The following RNF25 variants were observed in gnomAD, a reference collection of about 807,000 sequenced individuals.
RNF25 encodes ring finger protein 25.
RNF25 carries 32 observed loss-of-function variants against 65.0 expected under a neutral mutation model. The observed-to-expected ratio is 0.49, with a 90% CI of 0.37 to 0.66. The LOEUF is 0.66. Among genes scored for constraint, RNF25 ranks in the 30% least tolerant of loss-of-function variants. The pLI, the probability that RNF25 is intolerant of heterozygous loss-of-function variation, is 0.00. For synonymous variants in RNF25, 207 were observed against 221.2 expected, an observed-to-expected ratio of 0.94 and a Z score of 0.57; for missense variants, 493 against 584.8, an observed-to-expected ratio of 0.84 and a Z score of 1.62.
Position 218,664,920 on chromosome 2 carries a change from G to A in RNF25, c.667-47C>T, listed in dbSNP as rs116974363. On this transcript the variant is annotated intron_variant, in intron 8 of 9. Coordinates refer to ENST00000295704, the MANE Select transcript of RNF25 (RefSeq NM_022453.3). This position sits in a 1 kb window ranked among gnomAD's most constrained non-coding sequence, Gnocchi z 5.1. Reference sequence around the variant, plus strand: ...AGGAAATAATGAACAGCAGAAGGCTGACTCAAACCTCTACTCCTCCCAGGC... The same window carrying A: ...AGGAAATAATGAACAGCAGAAGGCTAACTCAAACCTCTACTCCTCCCAGGC... 9.0e-4 allele frequency: 1,454 copies of A among 1,610,394 alleles called. 25 individuals are homozygous for A. In the East Asian group the frequency reaches 0.03, roughly 33 times the overall value.
At chr2:218,667,807 G>T in intron 5 of RNF25, 105 bp downstream of exon 5, 1 of 1,013,314 alleles carries the variant, frequency 9.9e-7, no homozygotes, top group Non-Finnish European at 1.5e-6. Context: ...CTTACCTAAT[G>T]ACTCCAGATC....
At chr2:218,668,804 C>T (rs1939892037) in intron 1 of RNF25, 125 bp from the exon 2 acceptor site, 9 of 696,104 alleles carry the variant, frequency 1.3e-5, no homozygotes, top group South Asian at 1.2e-4. Flanking sequence ...TGCTAAACTC[C>T]TTAAAAACAA....
Position 218,671,950 on chromosome 2 carries a change from T to A in RNF25, c.21A>T (p.Ala7=). MAASAS[A]AAGEEDWVLP... ...GTTACCAGTCCTCCTCCCCTGCAGC[T>A]GCAGACGCAGACGCCGCCATATCTT... The change falls in exon 1 of 10, where the codon GCA becomes GCT. Residue 7 remains alanine, a synonymous_variant. Coordinates refer to ENST00000295704, the MANE Select transcript of RNF25 (RefSeq NM_022453.3). The A allele has an allele frequency of 6.2e-7, 1 of 1,614,124 alleles. No homozygotes were observed. The highest frequency in any genetic ancestry group is 8.5e-7 in the Non-Finnish European group (1 of 1,180,008).
rs1456934762 is a variant in RNF25 at position 218,671,948 on chromosome 2, G to A, written c.23C>T (p.Ala8Val). The A allele has an allele frequency of 1.9e-6, 3 of 1,614,230 alleles. No individual in the cohort carries two copies. The highest frequency in any genetic ancestry group is 2.5e-6 in the Non-Finnish European group (3 of 1,180,034). Residue 8 changes from alanine (A) to valine (V), a missense_variant, in exon 1 of 10, where the codon GCT (alanine) becomes GTT (valine). Physicochemically the swap from Ala to Val is moderately conservative, Grantham distance 64. Coordinates refer to ENST00000295704, the MANE Select transcript of RNF25 (RefSeq NM_022453.3). ...AAGTTACCAGTCCTCCTCCCCTGCA[G>A]CTGCAGACGCAGACGCCGCCATATC... MAASASA[A>V]AGEEDWVLPS...
At chr2:218,668,431 G>A in intron 2 of RNF25, 90 bp from the exon 3 acceptor site, 2 of 1,053,656 alleles carry the variant, frequency 1.9e-6, no homozygotes, top group Non-Finnish European at 1.5e-6. Flanking sequence ...AGTGGGCAAA[G>A]GAAGTACACA....
In RNF25 at chr2:218,665,906, T is replaced by C. The variant is rs1939811540; in HGVS notation, c.573+10A>G. The C allele has an allele frequency of 6.2e-7, 1 of 1,610,670 alleles. No individual in the cohort carries two copies. Among genetic ancestry groups the C allele is most frequent in the Non-Finnish European group, 8.5e-7 (1 of 1,177,962 alleles). ...GTGTCAGATGAGTGTGCAGGTGCAG[T>C]GAGGTCTACCTGTTTGGTTGTAGCA... On this transcript the variant is annotated intron_variant, in intron 7 of 9. Coordinates refer to ENST00000295704, the MANE Select transcript of RNF25 (RefSeq NM_022453.3).
intron 7 of RNF25, among the ~76,000 whole-genome samples, chr2:218,665,674 C>A (rs1055211495): frequency 6.7e-6 from 1 of 150,266 alleles, no homozygotes; most frequent in African/African-American, 2.5e-5. Flanking sequence ...ACCCAGGAGG[C>A]GGAGGTTGCA....
In RNF25 at chr2:218,664,478, G is replaced by A. The variant is rs1427047300; in HGVS notation, c.859C>T (p.Pro287Ser). ...AVDVSKGSQP[P>S]STLAAELSTS... ...GATAGTTCTGCTGCAAGGGTGCTGG[G>A]TGGTTGGGATCCTTTGGAGACATCT... The change falls in exon 10 of 10, where the codon CCC becomes TCC. Residue 287 changes from proline to serine, a missense_variant. This residue lies in a region of RNF25 where 351 missense variants were observed against 400.2 expected (regional missense o/e 0.88). Transcript: ENST00000295704. This position sits in a 1 kb window ranked among gnomAD's most constrained non-coding sequence, Gnocchi z 5.1. The A allele has an allele frequency of 6.2e-7, 1 of 1,614,138 alleles. No individual in the cohort carries two copies. Among genetic ancestry groups the A allele is most frequent in the Admixed American group, 1.7e-5 (1 of 60,026 alleles).
chr2:218,670,903 T>TATTAATGAAAA (rs1261064417), intron 1 of RNF25, among the ~76,000 whole-genome samples: 2 of 152,106 alleles, frequency 1.3e-5, no homozygotes, highest in African/African-American at 4.8e-5. Flanking sequence ...CCGGGTGTGG[T>TATTAATGAAAA]GGCTCACGCC....
At chr2:218,668,727 G>A in intron 1 of RNF25, 48 bp from the exon 2 acceptor site, 4 of 1,359,544 alleles carry the variant, frequency 2.9e-6, no homozygotes, top group Non-Finnish European at 4.2e-6. Flanking sequence ...TCTCCCTGTG[G>A]AAGCCTGCTA....
chr2:218,669,839 G>A (rs1939908384), intron 1 of RNF25, among the ~76,000 whole-genome samples: 1 of 152,208 alleles, frequency 6.6e-6, no homozygotes, highest in South Asian at 2.1e-4. Context: ...AGTTCTGGCT[G>A]ACATGGGAGT....
chr2:218,664,728 C>T lies in RNF25; in HGVS notation c.801+11G>A. On this transcript the variant is annotated intron_variant, in intron 9 of 9. Coordinates refer to ENST00000295704, the MANE Select transcript of RNF25 (RefSeq NM_022453.3). This position sits in a 1 kb window ranked among gnomAD's most constrained non-coding sequence, Gnocchi z 5.1. ...TGGCATTACAGGACAACTGGGAAGCCCTTCCCTCACCTGCTGAAGGCTGAT... is the reference window on the plus strand; with the variant it reads ...TGGCATTACAGGACAACTGGGAAGCTCTTCCCTCACCTGCTGAAGGCTGAT... 6.2e-7 allele frequency: 1 copy of T among 1,614,130 alleles called. No homozygotes were observed. Among genetic ancestry groups the T allele is most frequent in the Non-Finnish European group, 8.5e-7 (1 of 1,179,994 alleles).
chr2:218,664,590 A>C lies in RNF25; in HGVS notation c.802-55T>G. On this transcript the variant is annotated intron_variant, in intron 9 of 9. Coordinates refer to ENST00000295704, the MANE Select transcript of RNF25 (RefSeq NM_022453.3). This position sits in a 1 kb window ranked among gnomAD's most constrained non-coding sequence, Gnocchi z 5.1. ...GAGATGCAGTTCCTCAAGGTGGGGA[A>C]CTACAGGCCCCTCTCCTACTATCTG... is the stretch of plus-strand genomic sequence containing the variant. The C allele has an allele frequency of 6.3e-7, 1 of 1,582,092 alleles. No individual in the cohort carries two copies. The highest frequency in any genetic ancestry group is 2.2e-5 in the East Asian group (1 of 44,598).
At position 218,664,909 on chromosome 2, in the gene RNF25, A is replaced by T; in HGVS notation, c.667-36T>A. 6.2e-7 allele frequency: 1 copy of T among 1,612,978 alleles called. No individual in the cohort carries two copies. The stretch of plus-strand genomic sequence containing the variant: ...GAATGGCAGAGAGGAAATAATGAAC[A>T]GCAGAAGGCTGACTCAAACCTCTAC... On this transcript the variant is annotated intron_variant, in intron 8 of 9. Coordinates refer to ENST00000295704, the MANE Select transcript of RNF25 (RefSeq NM_022453.3). This position sits in a 1 kb window ranked among gnomAD's most constrained non-coding sequence, Gnocchi z 5.1.
intron 1 of RNF25, among the ~76,000 whole-genome samples, chr2:218,669,209 G>A (rs1057227969): frequency 6.6e-6 from 1 of 152,204 alleles, no homozygotes; most frequent in Non-Finnish European, 1.5e-5. Flanking sequence ...TGGTATAAAG[G>A]CTGTGTTGTA....
At chr2:218,669,395 C>T (rs986907092) in intron 1 of RNF25, among the ~76,000 whole-genome samples, 5 of 152,294 alleles carry the variant, frequency 3.3e-5, no homozygotes, top group Non-Finnish European at 4.4e-5. Context: ...ACATAAAGTA[C>T]CTAATAGTAT....
chr2:218,664,753 T>G lies in RNF25; in HGVS notation c.787A>C (p.Ile263Leu). The change falls in exon 9 of 10, where the codon ATC becomes CTC. Residue 263 changes from isoleucine (I) to leucine (L), a missense_variant. By Grantham distance (5) the Ile-to-Leu change is conservative. Around this residue, in one of 3 missense-constraint regions of RNF25, gnomAD observed 351 missense variants for 400.2 expected, o/e 0.88. Transcript: ENST00000295704. The surrounding 1 kb of genome is among the most constrained non-coding windows in gnomAD (Gnocchi z 5.1). ...CCTTCCCTCACCTGCTGAAGGCTGATGAAGTATCGGTTTCGCTCAGCCTCA... is the reference window on the plus strand; with the variant it reads ...CCTTCCCTCACCTGCTGAAGGCTGAGGAAGTATCGGTTTCGCTCAGCCTCA... ...DLEAERNRYFISLQQPPAPAE... is the reference protein window; with the variant it reads ...DLEAERNRYFLSLQQPPAPAE... 6.2e-7 allele frequency: 1 copy of G among 1,614,240 alleles called. No homozygotes were observed. The highest frequency in any genetic ancestry group is 1.1e-5 in the South Asian group (1 of 91,084).
At chr2:218,668,435 G>A in intron 2 of RNF25, 94 bp from the exon 3 acceptor site, 1 of 1,022,604 alleles carries the variant, frequency 9.8e-7, no homozygotes, top group Non-Finnish European at 1.5e-6. Flanking sequence ...GGCAAAGGAA[G>A]TACACATTGG....
rs1459380917 is a variant in RNF25, at chr2:218,665,267, T to C, written c.574-20A>G. ...TGCCTTCTAAAAAAGAGAAAAATCA[T>C]ATGCCTGTGTCACAGCCCAGGATGC... On this transcript the variant is annotated intron_variant, in intron 7 of 9. Transcript: ENST00000295704. The C allele has an allele frequency of 1.2e-6, 2 of 1,608,902 alleles. No individual in the cohort carries two copies. The highest frequency in any genetic ancestry group is 8.5e-7 in the Non-Finnish European group (1 of 1,176,376).
Sources: allele counts gnomAD v4.1 joint callset (sites outside exome capture counted in the v4.1 genomes callset), GRCh38; gene constraint gnomAD v4.1.1; regional missense constraint gnomAD v4.1.1; non-coding constraint Gnocchi (gnomAD v3.1); transcripts MANE v1.5; gene names NCBI Gene and HGNC (gene_info 2026-07-23, HGNC 2026-07-21).